The following PPFIA2 variants were observed in gnomAD, a reference collection of about 807,000 sequenced individuals.
The protein encoded by PPFIA2 is PPFI scaffold protein A2, also known as liprin-alpha-2.
A neutral mutation model predicts 175.5 loss-of-function variants in PPFIA2; 46 were observed. That is an observed-to-expected ratio of 0.26 (90% confidence interval 0.21 to 0.34). The LOEUF is 0.34. Among genes scored for constraint, PPFIA2 ranks in the 10% least tolerant of loss-of-function variants. PPFIA2 has a pLI of 1.00. For synonymous variants in PPFIA2, 568 were observed against 511.4 expected (o/e 1.11, Z -1.49); for missense variants, 1,179 against 1,506.1 (o/e 0.78, Z 3.60).
At chr12:81,658,040 G>A (rs765554426) in intron 4 of PPFIA2, among the ~76,000 whole-genome samples, 7 of 152,084 alleles carry the variant, frequency 4.6e-5, no homozygotes, top group East Asian at 1.9e-4. Context: ...AGGCCGAGGC[G>A]TGTGGGTAAC....
At chr12:81,367,973 A>G (rs1425488884) in intron 13 of PPFIA2, 2 of 551,616 alleles carry the variant, frequency 3.6e-6, no homozygotes, top group African/African-American at 3.9e-5. Flanking sequence ...AATCAAACTA[A>G]CTTTTTGTCA....
rs1370640953 is a variant in PPFIA2 at position 81,358,300 on chromosome 12, A to G, written c.1638-83T>C. On this transcript the variant is annotated intron_variant, in intron 15 of 32. Transcript: ENST00000549396. Reference sequence around the variant, plus strand: ...ATTACTATCTGCTGTTTTACTGGCAATAAAGCAGAAATCCTCAAGGAAATA... The same window carrying G: ...ATTACTATCTGCTGTTTTACTGGCAGTAAAGCAGAAATCCTCAAGGAAATA... 6 of 1,288,600 alleles carry G rather than the reference A, an allele frequency of 4.7e-6. No individual in the cohort carries two copies. In the East Asian group the frequency reaches 1.5e-4, roughly 33 times the overall value. 79.8% of individuals were successfully genotyped at this position (1,288,600 alleles called of 1,614,324 possible). A position where few individuals can be genotyped will look rare whatever the true frequency, so the allele number is the denominator to read the frequency against.
At position 81,610,637 on chromosome 12, in the gene PPFIA2, T is replaced by C. The variant is rs566480688; in HGVS notation, c.303+66154A>G. 2.0e-5 allele frequency among the ~76,000 whole-genome samples: 3 copies of C among 152,354 alleles called. No individual in the cohort carries two copies. The East Asian group carries it at 5.8e-4, about 29-fold the overall frequency. Reference sequence around the variant, plus strand: ...TATTTCAAATCTTGGATCATTTTACTAGATTCCCTGGATTTTTTGGATGGG... The same window carrying C: ...TATTTCAAATCTTGGATCATTTTACCAGATTCCCTGGATTTTTTGGATGGG... On this transcript the variant is annotated intron_variant, in intron 4 of 32. Coordinates refer to ENST00000549396, the MANE Select transcript of PPFIA2 (RefSeq NM_003625.5).
intron 3 of PPFIA2, among the ~76,000 whole-genome samples, chr12:81,726,729 A>T (rs1329154731): frequency 1.3e-5 from 2 of 151,394 alleles, no homozygotes; most frequent in East Asian, 1.9e-4. Flanking sequence ...CGCTCAAAAA[A>T]GATTATATGG....
chr12:81,387,680 T>G (rs540360201), intron 8 of PPFIA2, among the ~76,000 whole-genome samples: 7 of 152,164 alleles, frequency 4.6e-5, no homozygotes, highest in Non-Finnish European at 7.4e-5. Flanking sequence ...ATACAGGATT[T>G]GAAGATATTT....
At chr12:81,386,253 G>A (rs1320139657) in intron 8 of PPFIA2, among the ~76,000 whole-genome samples, 1 of 150,988 alleles carries the variant, frequency 6.6e-6, no homozygotes, top group Non-Finnish European at 1.5e-5. Context: ...AATCCAGCAT[G>A]GGCAACAGAG....
At chr12:81,540,625 C>A (rs75762967) in intron 4 of PPFIA2, among the ~76,000 whole-genome samples, 1,534 of 152,066 alleles carry the variant, frequency 0.01, 34 homozygotes, top group African/African-American at 0.034. Context: ...AAAAATATTT[C>A]AAGGGAAGAT....
chr12:81,312,780 A>T (rs1566078702), intron 22 of PPFIA2, among the ~76,000 whole-genome samples: 1 of 152,318 alleles, frequency 6.6e-6, no homozygotes, highest in African/African-American at 2.4e-5. Flanking sequence ...AAATGTGTAA[A>T]GTCCATTCCA....
intron 3 of PPFIA2, among the ~76,000 whole-genome samples, chr12:81,689,950 A>G (rs1005797953): frequency 2.0e-5 from 3 of 152,220 alleles, no homozygotes; most frequent in African/African-American, 2.4e-5. Context: ...GACGATACAG[A>G]CAGTCCTTAC....
chr12:81,566,407 C>A (rs2071292578), intron 4 of PPFIA2, among the ~76,000 whole-genome samples: 1 of 151,100 alleles, frequency 6.6e-6, no homozygotes, highest in Admixed American at 6.6e-5. Context: ...GCCTGTAGTC[C>A]CAGATACTCG....
At chr12:81,669,209 T>C (rs2070948182) in intron 4 of PPFIA2, among the ~76,000 whole-genome samples, 3 of 151,708 alleles carry the variant, frequency 2.0e-5, no homozygotes, top group South Asian at 2.1e-4. Context: ...ATTTTGTAAG[T>C]TTTTTTTCAT....
intron 4 of PPFIA2, among the ~76,000 whole-genome samples, chr12:81,607,767 T>A (rs769365843): frequency 9.6e-4 from 146 of 152,228 alleles, no homozygotes; most frequent in South Asian, 1.0e-3. Context: ...CTTTTTTTCA[T>A]ATTTGGATGC....
chr12:81,666,952 A>C (rs1010809692), intron 4 of PPFIA2, among the ~76,000 whole-genome samples: 1 of 152,102 alleles, frequency 6.6e-6, no homozygotes, highest in African/African-American at 2.4e-5. Flanking sequence ...AGGTTTATAT[A>C]AAATATGGTT....
At chr12:81,330,428 A>G (rs1459316742) in intron 21 of PPFIA2, among the ~76,000 whole-genome samples, 1 of 152,158 alleles carries the variant, frequency 6.6e-6, no homozygotes, top group East Asian at 1.9e-4. Flanking sequence ...TTCCCTGAGT[A>G]TACACATAGT....
intron 4 of PPFIA2, chr12:81,545,467 C>T (rs2066845494): frequency 6.5e-6 from 1 of 153,822 alleles, no homozygotes; most frequent in Non-Finnish European, 1.5e-5. Context: ...TGCCACATGT[C>T]TAAAAAGAGT....
At chr12:81,353,641 A>T (rs2060395694) in intron 16 of PPFIA2, among the ~76,000 whole-genome samples, 1 of 152,140 alleles carries the variant, frequency 6.6e-6, no homozygotes, top group Admixed American at 6.6e-5. Flanking sequence ...TATTTGTAAT[A>T]CTTTTCCTTA....
intron 4 of PPFIA2, among the ~76,000 whole-genome samples, chr12:81,636,575 T>C (rs1398745837): frequency 6.8e-6 from 1 of 147,214 alleles, no homozygotes; most frequent in Non-Finnish European, 1.5e-5. Flanking sequence ...AACTCTCTGA[T>C]ATTAAAAAAA....
chr12:81,428,174 A>T (rs1489871055), intron 7 of PPFIA2, among the ~76,000 whole-genome samples: 1 of 151,960 alleles, frequency 6.6e-6, no homozygotes, highest in East Asian at 1.9e-4. Flanking sequence ...TAGAGAAAAA[A>T]AGCATTCAAA....
At chr12:81,459,412 G>C (rs948612349) in intron 4 of PPFIA2, among the ~76,000 whole-genome samples, 1 of 151,950 alleles carries the variant, frequency 6.6e-6, no homozygotes, top group African/African-American at 2.4e-5. Context: ...TTATACTTAT[G>C]TATATTATAA....
Sources: gnomAD v4.1 joint callset for allele counts (sites outside exome capture counted in the v4.1 genomes callset) on GRCh38, gnomAD v4.1.1 for gene constraint, MANE v1.5 for transcripts, NCBI Gene and HGNC (gene_info 2026-07-23, HGNC 2026-07-21) for gene names.